RBM44: variants seen among roughly 807,000 people sequenced by gnomAD.
RBM44 encodes the protein RNA binding motif protein 44, also known as RNA-binding protein 44.
In RBM44, 66 loss-of-function variants were observed where a neutral mutation model predicts 105.1. The ratio of observed to expected loss-of-function variants is 0.63; its 90% CI spans 0.52 to 0.77. The LOEUF (loss-of-function observed/expected upper bound fraction) is 0.77, where lower values mean the gene tolerates loss of function less well. Among genes scored for constraint, RBM44 ranks in the 30% least tolerant of loss-of-function variants. The pLI, the probability that RBM44 is intolerant of heterozygous loss-of-function variation, is 0.00. For synonymous variants in RBM44, 365 were observed against 417.6 expected, an observed-to-expected ratio of 0.87 and a Z score of 1.54; for missense variants, 1,122 against 1,207.8, an observed-to-expected ratio of 0.93 and a Z score of 1.05.
Position 237,829,219 on chromosome 2 carries a change from AT to A in RBM44, c.2604del (p.Tyr868Ter). 1 of 1,604,266 alleles carries A rather than the reference AT, an allele frequency of 6.2e-7. No individual in the cohort carries two copies. The highest frequency in any genetic ancestry group is 1.7e-5 in the Admixed American group (1 of 58,730). ...ISIYDSTNYRYASLAFTKNSD... is the reference protein window; with the variant it reads ...ISIYDSTNYRXASLAFTKNSD... Reference sequence around the variant, plus strand: ...GGTTTTCTGCTCTTATGTTTTAGATATGCATCTCTTGCTTTTACAAAAAACA... The same window carrying A: ...GGTTTTCTGCTCTTATGTTTTAGATAGCATCTCTTGCTTTTACAAAAAACA... On this transcript the variant is annotated frameshift_variant, in exon 13 of 16. Transcript: ENST00000316997. LOFTEE classifies it high-confidence loss of function.
chr2:237,836,778 CAA>C lies in RBM44; in HGVS notation c.*22+2374_*22+2375del, dbSNP rs71039782. On this transcript the variant is annotated intron_variant, in intron 15 of 15. Coordinates refer to ENST00000316997, the MANE Select transcript of RBM44 (RefSeq NM_001080504.3). ...CTGGCGACAGAGCGAGACTCCGTCT[CAA>C]AAAAAAAAAAAAAAAAAATTAAACC... 8.1e-3 allele frequency among the ~76,000 whole-genome samples: 715 copies of C among 87,944 alleles called. 4 individuals are homozygous for C. The highest frequency in any genetic ancestry group is 0.025 in the African/African-American group (596 of 23,744). 57.7% of individuals were successfully genotyped at this position (87,944 alleles called of 152,430 possible). A position where few individuals can be genotyped will look rare whatever the true frequency, so the allele number is the denominator to read the frequency against.
chr2:237,804,909 C>G (rs372002446), intron 1 of RBM44, among the ~76,000 whole-genome samples: 7 of 152,146 alleles, frequency 4.6e-5, no homozygotes, highest in African/African-American at 1.4e-4. Flanking sequence ...GGCAGAAGCT[C>G]GAACTATTCC....
intron 1 of RBM44, among the ~76,000 whole-genome samples, chr2:237,811,927 T>C (rs1194627826): frequency 6.6e-6 from 1 of 152,236 alleles, no homozygotes; most frequent in Non-Finnish European, 1.5e-5. Context: ...CAATCTCAGC[T>C]CACTGCAACC....
intron 1 of RBM44, among the ~76,000 whole-genome samples, chr2:237,811,887 C>T (rs934737739): frequency 5.9e-5 from 9 of 152,092 alleles, no homozygotes; most frequent in African/African-American, 9.7e-5. Context: ...TGGAGTCTCG[C>T]GCTGTCACCC....
chr2:237,830,605 T>G (rs1034495656), intron 13 of RBM44, among the ~76,000 whole-genome samples: 7 of 152,206 alleles, frequency 4.6e-5, no homozygotes, highest in African/African-American at 1.7e-4. Flanking sequence ...TATTGTTTAT[T>G]TGCATTTGTT....
intron 13 of RBM44, among the ~76,000 whole-genome samples, chr2:237,832,856 C>T (rs2150988798): frequency 6.6e-6 from 1 of 152,348 alleles, no homozygotes; most frequent in East Asian, 1.9e-4. Context: ...GAAAACTAAT[C>T]TAACCTTTCC....
chr2:237,807,824 CAGTT>C (rs1362584510), intron 1 of RBM44, among the ~76,000 whole-genome samples: 1 of 152,166 alleles, frequency 6.6e-6, no homozygotes, highest in Non-Finnish European at 1.5e-5. Context: ...TCTCAAATTT[CAGTT>C]AGAGTAAAGA....
In RBM44 at chr2:237,818,006, C is replaced by T. The variant is rs925651299; in HGVS notation, c.1087C>T (p.Gln363Ter). The T allele has an allele frequency of 6.2e-7, 1 of 1,612,906 alleles. No homozygotes were observed. The highest frequency in any genetic ancestry group is 2.2e-5 in the East Asian group (1 of 44,862). Residue 363 changes from glutamine to a stop codon, truncating the protein, a stop_gained, in exon 3 of 16, where the codon CAG becomes TAG. Coordinates refer to ENST00000316997, the MANE Select transcript of RBM44 (RefSeq NM_001080504.3). LOFTEE classifies it high-confidence loss of function. This position sits in a 1 kb window ranked among gnomAD's most constrained non-coding sequence, Gnocchi z 4.6. ...LHLENPSTLP[Q>*]DKALETLLQP... Reference sequence around the variant, plus strand: ...CCTTGAAAATCCTAGCACATTACCACAGGATAAAGCTTTAGAGACATTACT... The same window carrying T: ...CCTTGAAAATCCTAGCACATTACCATAGGATAAAGCTTTAGAGACATTACT...
At chr2:237,799,161 G>A (rs973026317) in intron 1 of RBM44, 4 of 152,062 alleles carry the variant, frequency 2.6e-5, no homozygotes, top group African/African-American at 9.7e-5. Context: ...ACTTGGTTAT[G>A]TCCCCGGGGA....
At chr2:237,815,731 A>T (rs2061707820) in intron 2 of RBM44, among the ~76,000 whole-genome samples, 1 of 152,040 alleles carries the variant, frequency 6.6e-6, no homozygotes, top group African/African-American at 2.4e-5. Context: ...AGTAAAAAAA[A>T]ATCTTTTGAA....
intron 13 of RBM44, among the ~76,000 whole-genome samples, chr2:237,833,617 A>C (rs573845801): frequency 6.6e-6 from 1 of 152,316 alleles, no homozygotes; most frequent in South Asian, 2.1e-4. Flanking sequence ...TAAAACATTT[A>C]TTTAATGAAT....
chr2:237,800,727 CTTTTTTT>C (rs200312897), intron 1 of RBM44, among the ~76,000 whole-genome samples: 1 of 137,302 alleles, frequency 7.3e-6, no homozygotes, highest in African/African-American at 2.6e-5. Context: ...ACTCTCAATC[CTTTTTTT>C]TTTTTTTTTG....
At chr2:237,825,499 C>T (rs185798432) in intron 10 of RBM44, among the ~76,000 whole-genome samples, 5 of 152,314 alleles carry the variant, frequency 3.3e-5, no homozygotes, top group African/African-American at 1.2e-4. Flanking sequence ...AGCCACTGCA[C>T]CCAGCCCCAT....
chr2:237,825,623 T>G (rs2061840491), intron 10 of RBM44, among the ~76,000 whole-genome samples: 1 of 152,234 alleles, frequency 6.6e-6, no homozygotes, highest in South Asian at 2.1e-4. Flanking sequence ...CATCCTCTCA[T>G]TAGCTCAGTG....
At chr2:237,802,672 T>C (rs1208307946) in intron 1 of RBM44, among the ~76,000 whole-genome samples, 3 of 152,220 alleles carry the variant, frequency 2.0e-5, no homozygotes, top group Non-Finnish European at 4.4e-5. Context: ...GGAAATTGTA[T>C]GCCTGTTGTG....
chr2:237,829,455 C>T lies in RBM44; in HGVS notation c.2839C>T (p.Arg947Trp), dbSNP rs372136649. 9.9e-6 allele frequency: 16 copies of T among 1,613,500 alleles called. No homozygotes were observed. The highest frequency in any genetic ancestry group is 9.3e-5 in the African/African-American group (7 of 74,904). Residue 947 changes from arginine to tryptophan, a missense_variant, in exon 13 of 16, where the codon CGG becomes TGG. Transcript: ENST00000316997. ...TTCTAGATTGCCCAGAACTAGGCCA[C>T]GGCAGCTGGGTTCTGAGCAAGACAG... ...SISRLPRTRP[R>W]QLGSEQDSEV...
intron 10 of RBM44, among the ~76,000 whole-genome samples, chr2:237,826,368 G>A (rs1044054953): frequency 1.4e-4 from 21 of 152,054 alleles, no homozygotes; most frequent in African/African-American, 4.1e-4. Flanking sequence ...CTATGAAAAC[G>A]TACTCTTAAG....
chr2:237,839,367 A>G (rs1336087552), intron 15 of RBM44, among the ~76,000 whole-genome samples: 1 of 152,096 alleles, frequency 6.6e-6, no homozygotes, highest in Non-Finnish European at 1.5e-5. Context: ...TCCACCTCCC[A>G]GATTCAAGCG....
intron 1 of RBM44, among the ~76,000 whole-genome samples, chr2:237,800,544 AGT>A (rs754482258): frequency 6.6e-6 from 1 of 152,240 alleles, no homozygotes; most frequent in Non-Finnish European, 1.5e-5. Context: ...AGCTTGAGAT[AGT>A]GTTGCTCTTC....
Sources: allele counts gnomAD v4.1 joint callset (sites outside exome capture counted in the v4.1 genomes callset), GRCh38; gene constraint gnomAD v4.1.1; non-coding constraint Gnocchi (gnomAD v3.1); transcripts MANE v1.5; gene names NCBI Gene and HGNC (gene_info 2026-07-23, HGNC 2026-07-21).